The following OPRM1 variants were observed in gnomAD, a reference collection of about 807,000 sequenced individuals.
OPRM1 encodes mu-type opioid receptor.
Under a neutral mutation model 31.8 loss-of-function variants are expected in OPRM1, and 27 were observed. That is an observed-to-expected ratio of 0.85 (90% CI 0.63 to 1.17). The LOEUF (loss-of-function observed/expected upper bound fraction) is 1.17, where lower values mean the gene tolerates loss of function less well. Among genes scored for constraint, OPRM1 ranks in the 50% most tolerant of loss-of-function variants. The pLI is 0.00. For missense variants in OPRM1, 536 were observed against 511.1 expected (o/e 1.05, Z -0.47); for synonymous variants, 196 against 189.9 (o/e 1.03, Z -0.26).
rs1197784410 is a variant in OPRM1, at chr6:154,018,614, C to A, written c.-1+7596C>A. 2.0e-5 allele frequency among the ~76,000 whole-genome samples: 3 copies of A among 151,246 alleles called. No individual in the cohort carries two copies. The East Asian group carries it at 5.8e-4, about 29-fold the overall frequency. ...AACAGATTAAGTCTTCTGATATTGTCCCAAGAGAAAACATTTGATACTCTT... is the reference window on the plus strand; with the variant it reads ...AACAGATTAAGTCTTCTGATATTGTACCAAGAGAAAACATTTGATACTCTT... On this transcript the variant is annotated intron_variant, in intron 1 of 5. Transcript: ENST00000434900.
At chr6:154,020,823 GT>G (rs1462739744) in intron 1 of OPRM1, among the ~76,000 whole-genome samples, 1 of 152,188 alleles carries the variant, frequency 6.6e-6, no homozygotes, top group African/African-American at 2.4e-5. Flanking sequence ...TTTGCCACGT[GT>G]ATGTCTTCTT....
chr6:154,204,214 TTAGC>T (rs1777301743), intron 3 of OPRM1, among the ~76,000 whole-genome samples: 1 of 152,188 alleles, frequency 6.6e-6, no homozygotes, highest in South Asian at 2.1e-4. Flanking sequence ...CATTCAAATG[TTAGC>T]CCTAAAATCC....
At chr6:154,214,549 C>T (rs1330157119) in intron 3 of OPRM1, among the ~76,000 whole-genome samples, 4 of 152,178 alleles carry the variant, frequency 2.6e-5, no homozygotes, top group Non-Finnish European at 5.9e-5. Flanking sequence ...AATATATGAA[C>T]AAACACATCT....
At chr6:154,060,814 C>A (rs1457090777) in intron 1 of OPRM1, among the ~76,000 whole-genome samples, 1 of 152,094 alleles carries the variant, frequency 6.6e-6, no homozygotes, top group African/African-American at 2.4e-5. Flanking sequence ...TTAAGAAATC[C>A]AGATTCATCT....
chr6:154,229,641 C>A (rs1206920676), intron 3 of OPRM1, among the ~76,000 whole-genome samples: 1 of 152,116 alleles, frequency 6.6e-6, no homozygotes, highest in Non-Finnish European at 1.5e-5. Context: ...CAGGCGTGAG[C>A]CACCGTGCCC....
At chr6:154,077,942 AT>A (rs1240751615) in intron 1 of OPRM1, among the ~76,000 whole-genome samples, 5 of 151,846 alleles carry the variant, frequency 3.3e-5, no homozygotes, top group African/African-American at 1.2e-4. Flanking sequence ...TGCCAAGGTT[AT>A]TAACAGGTAT....
chr6:154,146,530 C>T (rs368334481), intron 3 of OPRM1, among the ~76,000 whole-genome samples: 1 of 152,218 alleles, frequency 6.6e-6, no homozygotes, highest in South Asian at 2.1e-4. Context: ...GTACTTTGTG[C>T]ATAACATATA....
intron 1 of OPRM1, among the ~76,000 whole-genome samples, chr6:154,013,556 T>A (rs149880270): frequency 6.6e-6 from 1 of 152,164 alleles, no homozygotes; most frequent in African/African-American, 2.4e-5. Flanking sequence ...TAAAATTTAA[T>A]AGGTTGAATA....
intron 1 of OPRM1, among the ~76,000 whole-genome samples, chr6:154,082,672 T>A (rs2128470233): frequency 6.6e-6 from 1 of 152,302 alleles, no homozygotes; most frequent in Middle Eastern, 3.4e-3. Context: ...ATATAAGAAA[T>A]GACCTTTCCC....
intron 3 of OPRM1, among the ~76,000 whole-genome samples, chr6:154,206,691 T>C (rs772092258): frequency 6.6e-6 from 1 of 152,184 alleles, no homozygotes; most frequent in Non-Finnish European, 1.5e-5. Context: ...GGACTAGAGA[T>C]GTTCTCATGA....
At chr6:154,066,045 G>A (rs377032197) in intron 1 of OPRM1, among the ~76,000 whole-genome samples, 8 of 151,880 alleles carry the variant, frequency 5.3e-5, no homozygotes, top group African/African-American at 9.7e-5. Flanking sequence ...TATTTTCTTC[G>A]TTCTGTTAAT....
chr6:154,215,244 T>C (rs1396311396), intron 3 of OPRM1, among the ~76,000 whole-genome samples: 1 of 152,194 alleles, frequency 6.6e-6, no homozygotes, highest in South Asian at 2.1e-4. Flanking sequence ...TGTCAGATAA[T>C]TAGGAATCCT....
intron 1 of OPRM1, among the ~76,000 whole-genome samples, chr6:154,079,461 C>G (rs956033194): frequency 1.3e-5 from 2 of 152,080 alleles, no homozygotes; most frequent in African/African-American, 4.8e-5. Context: ...AGGCTCAGTC[C>G]AGGAACAGCT....
At chr6:154,135,138 A>G (rs199841073), downstream of OPRM1, among the ~76,000 whole-genome samples, 11 of 152,238 alleles carry the variant, frequency 7.2e-5, no homozygotes, top group East Asian at 2.1e-3. Context: ...GAGAACAGAT[A>G]TCTTCCCTTA....
intron 3 of OPRM1, among the ~76,000 whole-genome samples, chr6:154,115,407 G>A (rs1318016862): frequency 3.3e-5 from 5 of 152,182 alleles, no homozygotes; most frequent in African/African-American, 1.2e-4. Flanking sequence ...AGGTGTGGTG[G>A]TGCATGTCTG....
chr6:154,084,409 C>T (rs1202294840), intron 1 of OPRM1, among the ~76,000 whole-genome samples: 2 of 151,442 alleles, frequency 1.3e-5, no homozygotes, highest in African/African-American at 4.9e-5. Context: ...CCTCCCCCCC[C>T]AACAGACAGA....
chr6:154,110,885 T>TGAAAAA (rs79395520), intron 3 of OPRM1, among the ~76,000 whole-genome samples: 1 of 16,422 alleles, frequency 6.1e-5, no homozygotes, highest in Non-Finnish European at 1.1e-4. Flanking sequence ...AGACTCCGTC[T>TGAAAAA]CAAAAAAAAA....
chr6:154,090,113 A>G lies in OPRM1; in HGVS notation c.578A>G (p.Asn193Ser). 5.0e-6 allele frequency: 8 copies of G among 1,614,128 alleles called. No homozygotes were observed. The highest frequency in any genetic ancestry group is 6.8e-6 in the Non-Finnish European group (8 of 1,180,002). ...AATGCCAAAATTATCAATGTCTGCA[A>G]CTGGATCCTCTCTTCAGCCATTGGT... is the stretch of plus-strand genomic sequence containing the variant. ...PRNAKIINVC[N>S]WILSSAIGLP... The change falls in exon 2 of 4, where the codon AAC becomes AGC. Residue 193 changes from asparagine to serine, a missense_variant. Asn to Ser is a conservative substitution (Grantham distance 46, BLOSUM62 1). Transcript: ENST00000330432.
intron 3 of OPRM1, among the ~76,000 whole-genome samples, chr6:154,236,742 T>C (rs1780166186): frequency 6.6e-6 from 1 of 152,094 alleles, no homozygotes; most frequent in South Asian, 2.1e-4. Context: ...TGAACAGACA[T>C]AGAGGCGAGG....
Sources: allele counts gnomAD v4.1 joint callset (sites outside exome capture counted in the v4.1 genomes callset), GRCh38; gene constraint gnomAD v4.1.1; transcripts MANE v1.5; gene names NCBI Gene and HGNC (gene_info 2026-07-23, HGNC 2026-07-21).